SLC23A1: variants seen among roughly 807,000 people sequenced by gnomAD.
SLC23A1 encodes the protein solute carrier family 23 member 1.
A neutral mutation model predicts 62.5 loss-of-function variants in SLC23A1; 31 were observed. That is an observed-to-expected ratio of 0.50 (90% confidence interval 0.37 to 0.67). The LOEUF (loss-of-function observed/expected upper bound fraction) is 0.67. SLC23A1 is among the 30% of genes least tolerant of loss of function. The pLI is 0.00. For missense variants in SLC23A1, 640 were observed against 782.7 expected, an observed-to-expected ratio of 0.82 and a Z score of 2.18; for synonymous variants, 271 against 313.2, an observed-to-expected ratio of 0.87 and a Z score of 1.42.
upstream of SLC23A1, among the ~76,000 whole-genome samples, chr5:139,385,131 TG>T (rs1758464152): frequency 6.6e-6 from 1 of 152,238 alleles, no homozygotes; most frequent in African/African-American, 2.4e-5. Context: ...TTTCTGCATC[TG>T]TCAAAGGGGG....
intron 13 of SLC23A1, among the ~76,000 whole-genome samples, chr5:139,374,077 T>C (rs1279975340): frequency 6.6e-6 from 1 of 152,196 alleles, no homozygotes; most frequent in African/African-American, 2.4e-5. Context: ...TTGACTTCAT[T>C]GCTTGCTTAA....
rs1470908919 is a variant in SLC23A1 at position 139,379,067 on chromosome 5, T to C, written c.1073+140A>G. On this transcript the variant is annotated intron_variant, in intron 9 of 14. Coordinates refer to ENST00000348729, the MANE Select transcript of SLC23A1 (RefSeq NM_005847.5). This position sits in a 1 kb window ranked among gnomAD's most constrained non-coding sequence, Gnocchi z 4.7. The stretch of plus-strand genomic sequence containing the variant: ...GAGGGGTGATGAGAGGGCACCCCCA[T>C]CGCACAAACAAGGAGAATGAGGTCT... The C allele has an allele frequency of 4.8e-6, 4 of 827,298 alleles. No homozygotes were observed. Among genetic ancestry groups the C allele is most frequent in the Non-Finnish European group, 8.0e-6 (4 of 501,706 alleles). 51.2% of individuals were successfully genotyped at this position (827,298 alleles called of 1,614,324 possible). A position where few individuals can be genotyped will look rare whatever the true frequency, so the allele number is the denominator to read the frequency against.
rs1454742629 is a variant in SLC23A1 at position 139,379,699 on chromosome 5, A to G, written c.904T>C (p.Trp302Arg). ...ARGDIMAIAP[W>R]IRIPYPCQWG... is the part of the protein sequence containing the mutation. ...TCACAGGGGTAGGGGATGCGGATCC[A>G]GGGTGCAATAGCCATGATGTCACCA... The change falls in exon 8 of 15, where the codon TGG becomes CGG. Residue 302 changes from tryptophan to arginine, a missense_variant. Physicochemically the swap from Trp to Arg is moderately radical, Grantham distance 101. Coordinates refer to ENST00000348729, the MANE Select transcript of SLC23A1 (RefSeq NM_005847.5). The surrounding 1 kb of genome is among the most constrained non-coding windows in gnomAD (Gnocchi z 4.7). 5.0e-6 allele frequency: 8 copies of G among 1,613,654 alleles called. No individual in the cohort carries two copies. The highest frequency in any genetic ancestry group is 6.8e-6 in the Non-Finnish European group (8 of 1,179,864).
chr5:139,381,595 A>G (rs914148851), intron 3 of SLC23A1, among the ~76,000 whole-genome samples: 14 of 147,124 alleles, frequency 9.5e-5, no homozygotes, highest in African/African-American at 3.3e-4. Context: ...CCTAGGCAAC[A>G]AGAGCAAAAC....
rs766500210 is a variant in SLC23A1 at position 139,378,096 on chromosome 5, CA to C, written c.1331del (p.Leu444ArgfsTer9). 6.2e-7 allele frequency: 1 copy of C among 1,614,212 alleles called. No individual in the cohort carries two copies. The highest frequency in any genetic ancestry group is 1.1e-5 in the South Asian group (1 of 91,074). On this transcript the variant is annotated frameshift_variant, in exon 12 of 15. Transcript: ENST00000348729. LOFTEE classifies it high-confidence loss of function. This position sits in a 1 kb window ranked among gnomAD's most constrained non-coding sequence, Gnocchi z 4.5. ...TCATGTCCACAAATTGCAGGTTGGA[CA>C]GCCCCACAGCTGTAATCATGCCTAA... is the stretch of plus-strand genomic sequence containing the variant. Reference protein sequence around the residue: ...TLFGMITAVGLSNLQFVDMNS... With the variant: ...TLFGMITAVGXSNLQFVDMNS...
chr5:139,377,957 G>A lies in SLC23A1; in HGVS notation c.1453+18C>T. 17 of 1,611,910 alleles carry A rather than the reference G, an allele frequency of 1.1e-5. No homozygotes were observed. Among genetic ancestry groups the A allele is most frequent in the Non-Finnish European group, 1.4e-5 (16 of 1,178,960 alleles). ...TGGGCCCACCCCGCCTTTGGAGACAGTAAACAGCTGGAGGCACCTGTATTG... is the reference window on the plus strand; with the variant it reads ...TGGGCCCACCCCGCCTTTGGAGACAATAAACAGCTGGAGGCACCTGTATTG... On this transcript the variant is annotated intron_variant, in intron 12 of 14. Coordinates refer to ENST00000348729, the MANE Select transcript of SLC23A1 (RefSeq NM_005847.5).
intron 3 of SLC23A1, among the ~76,000 whole-genome samples, chr5:139,381,150 C>T (rs776369752): frequency 5.5e-4 from 84 of 152,324 alleles, no homozygotes; most frequent in Non-Finnish European, 7.2e-4. Context: ...GGCACCTGCC[C>T]GGAAGTGGAC....
chr5:139,377,462 G>T lies in SLC23A1; in HGVS notation c.1489C>A (p.Leu497Met). Residue 497 changes from leucine to methionine, a missense_variant, in exon 13 of 15, where the codon CTG (leucine) becomes ATG (methionine). Coordinates refer to ENST00000348729, the MANE Select transcript of SLC23A1 (RefSeq NM_005847.5). Reference protein sequence around the residue: ...LEVDQILIVLLTTEMFVGGCL... With the variant: ...LEVDQILIVLMTTEMFVGGCL... ...CCGCCCACAAACATCTCCGTGGTCA[G>T]CAGCACAATCAGAATCTGATCCACT... is the stretch of plus-strand genomic sequence containing the variant. 6.2e-7 allele frequency: 1 copy of T among 1,611,222 alleles called. No homozygotes were observed.
chr5:139,376,548 T>C (rs1054197509), intron 13 of SLC23A1, among the ~76,000 whole-genome samples: 5 of 152,222 alleles, frequency 3.3e-5, no homozygotes, highest in African/African-American at 1.2e-4. Context: ...TTACCCATAG[T>C]ATATGTTTGC....
rs1757300935 is a variant in SLC23A1, at chr5:139,367,208, C to T, written c.*443G>A. 6.6e-6 allele frequency: 1 copy of T among 152,156 alleles called. No individual in the cohort carries two copies. Among genetic ancestry groups the T allele is most frequent in the African/African-American group, 2.4e-5 (1 of 41,430 alleles). The allele number at this position is 152,156 out of a possible 1,614,324, so 9.4% of individuals were successfully genotyped here. ...TACGAAACTAAAATTATTTCTTCAACATGATGTTTAATATTATGCATTAGT... is the reference window on the plus strand; with the variant it reads ...TACGAAACTAAAATTATTTCTTCAATATGATGTTTAATATTATGCATTAGT... On this transcript the variant is annotated 3_prime_UTR_variant, in exon 15 of 15. Transcript: ENST00000348729.
At chr5:139,383,175 AC>A (rs746915910) in intron 1 of SLC23A1, 42 bp downstream of exon 1, 7,867 of 227,994 alleles carry the variant, frequency 0.035, 150 homozygotes, top group South Asian at 0.046. Context: ...CCAGCCCCCC[AC>A]CCCCCCTGCC....
chr5:139,379,461 G>T lies in SLC23A1; in HGVS notation c.926-107C>A. On this transcript the variant is annotated intron_variant, in intron 8 of 14. Transcript: ENST00000348729. The surrounding 1 kb of genome is among the most constrained non-coding windows in gnomAD (Gnocchi z 4.7). ...GCAAGAGCAGATCAGGAGACCTCAG[G>T]CTGGGATGGGAGCTATACAGTTGTG... The T allele has an allele frequency of 1.7e-6, 2 of 1,182,138 alleles. No individual in the cohort carries two copies. The highest frequency in any genetic ancestry group is 2.4e-5 in the East Asian group (1 of 41,094). The allele number at this position is 1,182,138 out of a possible 1,614,324, so 73.2% of individuals were successfully genotyped here. A position where few individuals can be genotyped will look rare whatever the true frequency, so the allele number is the denominator to read the frequency against.
rs768843048 is a variant in SLC23A1, at chr5:139,379,787, G to T, written c.816C>A (p.Thr272=). 1.9e-5 allele frequency: 31 copies of T among 1,614,028 alleles called. No homozygotes were observed. Among genetic ancestry groups the T allele is most frequent in the Non-Finnish European group, 2.5e-5 (29 of 1,180,024 alleles). The change falls in exon 8 of 15, where the codon ACC becomes ACA. Residue 272 remains threonine (T), a synonymous_variant. Transcript: ENST00000348729. The surrounding 1 kb of genome is among the most constrained non-coding windows in gnomAD (Gnocchi z 4.7). ...GGTCTGTGGGCAGCACGTCTGTCAA[G>T]GTCAGGACATAGCAGAGCAGCCACA... ...MTVWLLCYVL[T]LTDVLPTDPK...
chr5:139,381,815 G>T, intron 3 of SLC23A1, 77 bp downstream of exon 3: 1 of 1,240,630 alleles, frequency 8.1e-7, no homozygotes, highest in South Asian at 1.4e-5. Context: ...AGTGTCCTCT[G>T]GGAGCCCACC....
chr5:139,384,232 G>T (rs1430754590), upstream of SLC23A1: 2 of 754,988 alleles, frequency 2.6e-6, no homozygotes, highest in African/African-American at 1.9e-5. Flanking sequence ...GGCCTGAGAT[G>T]GCAGAGGGGG....
Position 139,367,214 on chromosome 5 carries a change from G to A in SLC23A1, c.*437C>T, listed in dbSNP as rs1017455490. The A allele has an allele frequency of 6.6e-6, 1 of 152,198 alleles. No individual in the cohort carries two copies. The highest frequency in any genetic ancestry group is 6.5e-5 in the Admixed American group (1 of 15,278). 9.4% of individuals were successfully genotyped at this position (152,198 alleles called of 1,614,324 possible). On this transcript the variant is annotated 3_prime_UTR_variant, in exon 15 of 15. Transcript: ENST00000348729. ...ACTAAAATTATTTCTTCAACATGAT[G>A]TTTAATATTATGCATTAGTCTTGAA...
upstream of SLC23A1, chr5:139,384,678 A>C: frequency 8.3e-7 from 1 of 1,201,392 alleles, no homozygotes; most frequent in Non-Finnish European, 1.1e-6. Context: ...TTCAACCCAA[A>C]CCACACAACA....
intron 13 of SLC23A1, among the ~76,000 whole-genome samples, chr5:139,374,198 G>T (rs1757830240): frequency 6.6e-6 from 1 of 152,216 alleles, no homozygotes; most frequent in Non-Finnish European, 1.5e-5. Flanking sequence ...AAGCTGGTAA[G>T]CTCTAGCAGC....
At position 139,378,725 on chromosome 5, in the gene SLC23A1, C is replaced by T; in HGVS notation, c.1074-41G>A. 17 of 1,428,690 alleles carry T rather than the reference C, an allele frequency of 1.2e-5. No homozygotes were observed. Among genetic ancestry groups the T allele is most frequent in the Non-Finnish European group, 1.6e-5 (17 of 1,030,838 alleles). 88.5% of individuals were successfully genotyped at this position (1,428,690 alleles called of 1,614,324 possible). On this transcript the variant is annotated intron_variant, in intron 9 of 14. Coordinates refer to ENST00000348729, the MANE Select transcript of SLC23A1 (RefSeq NM_005847.5). The surrounding 1 kb of genome is among the most constrained non-coding windows in gnomAD (Gnocchi z 4.5). ...GAGTCGGGGCTTGGTCCAGCCTCTG[C>T]ACCAGTCTGTGTTCCCCCATCATCT...
Sources: gnomAD v4.1 joint callset for allele counts (sites outside exome capture counted in the v4.1 genomes callset) on GRCh38, gnomAD v4.1.1 for gene constraint, Gnocchi (gnomAD v3.1) non-coding constraint, MANE v1.5 for transcripts, NCBI Gene and HGNC (gene_info 2026-07-23, HGNC 2026-07-21) for gene names.